Variants in TENT4B observed in about 807,000 individuals in gnomAD.
TENT4B encodes the protein PAP associated domain containing 5.
In TENT4B, 10 loss-of-function variants were observed where a neutral mutation model predicts 75.0. That is an observed-to-expected ratio of 0.13 (90% confidence interval 0.08 to 0.23). TENT4B has a LOEUF of 0.23. TENT4B is among the 10% of genes least tolerant of loss of function. The pLI is 1.00. For missense variants in TENT4B, 579 were observed against 893.8 expected, an observed-to-expected ratio of 0.65 and a Z score of 4.49; for synonymous variants, 350 against 357.7, an observed-to-expected ratio of 0.98 and a Z score of 0.24.
At position 50,153,901 on chromosome 16, in the gene TENT4B, C is replaced by T; in HGVS notation, c.280C>T (p.His94Tyr). Residue 94 changes from histidine to tyrosine, a missense_variant, in exon 1 of 12, where the codon CAC becomes TAC. By Grantham distance (83) the His-to-Tyr change is moderately conservative. Transcript: ENST00000561678. The stretch of plus-strand genomic sequence containing the variant: ...CTCCGGGGAGCGCCTGCTGGGCAGC[C>T]ACGCGCTGCCCGCGGAGCAGCGGGA... ...YRSGERLLGS[H>Y]ALPAEQRDFL... is the part of the protein sequence containing the mutation. 6.6e-7 allele frequency: 1 copy of T among 1,524,944 alleles called. No homozygotes were observed. The highest frequency in any genetic ancestry group is 8.7e-7 in the Non-Finnish European group (1 of 1,142,896). The allele number at this position is 1,524,944 out of a possible 1,614,324, so 94.5% of individuals were successfully genotyped here.
chr16:50,204,160 G>C (rs189044728), intron 1 of TENT4B, among the ~76,000 whole-genome samples: 9 of 152,330 alleles, frequency 5.9e-5, no homozygotes, highest in African/African-American at 2.2e-4. Flanking sequence ...GGGGACTTCA[G>C]TAATCATGCA....
chr16:50,227,895 T>G lies in TENT4B; in HGVS notation c.1857T>G (p.Thr619=). The change falls in exon 11 of 12, where the codon ACT becomes ACG. Residue 619 remains threonine, a synonymous_variant. Transcript: ENST00000561678. ...AACAGCTGCTTTGCCGTCCGTCCACTGGGAACCGAGTAGGGTCGCAAGATG... is the reference window on the plus strand; with the variant it reads ...AACAGCTGCTTTGCCGTCCGTCCACGGGGAACCGAGTAGGGTCGCAAGATG... The part of the protein sequence containing the change: ...TPKQLLCRPS[T]GNRVGSQDVS... 1 of 1,614,032 alleles carries G rather than the reference T, an allele frequency of 6.2e-7. No homozygotes were observed. The highest frequency in any genetic ancestry group is 8.5e-7 in the Non-Finnish European group (1 of 1,179,892).
intron 3 of TENT4B, 93 bp downstream of exon 3, chr16:50,214,360 A>G (rs1567508339): frequency 1.0e-6 from 1 of 976,314 alleles, no homozygotes; most frequent in Non-Finnish European, 1.5e-6. Context: ...AAACAAATTT[A>G]TAAAACAAAA....
In TENT4B at chr16:50,231,358, A is replaced by G. The variant is rs2032287655; in HGVS notation, c.*2030A>G. 1 of 980,084 alleles carries G rather than the reference A, an allele frequency of 1.0e-6. No individual in the cohort carries two copies. The highest frequency in any genetic ancestry group is 6.2e-5 in the Admixed American group (1 of 16,258). The allele number at this position is 980,084 out of a possible 1,614,324, so 60.7% of individuals were successfully genotyped here. On this transcript the variant is annotated 3_prime_UTR_variant, in exon 12 of 12. Transcript: ENST00000561678. Reference sequence around the variant, plus strand: ...GACTTATGTTTACTGCTAAGGGAACAATTATTTATAAAATAATATTAAATC... The same window carrying G: ...GACTTATGTTTACTGCTAAGGGAACGATTATTTATAAAATAATATTAAATC...
chr16:50,203,251 C>T (rs926666841), intron 1 of TENT4B, among the ~76,000 whole-genome samples: 1 of 152,020 alleles, frequency 6.6e-6, no homozygotes, highest in African/African-American at 2.4e-5. Flanking sequence ...TATTTTCTCT[C>T]TTGTTTTTTT....
chr16:50,218,778 A>G (rs2031691908), intron 5 of TENT4B, among the ~76,000 whole-genome samples: 1 of 152,118 alleles, frequency 6.6e-6, no homozygotes, highest in Admixed American at 6.5e-5. Context: ...AAATTATTTA[A>G]GTTTATTTCT....
In TENT4B at chr16:50,233,305, A is replaced by C; in HGVS notation, c.*3977A>C. On this transcript the variant is annotated 3_prime_UTR_variant, in exon 12 of 12. Transcript: ENST00000561678. ...ACCCTCAAGACTCTAGCTACCTGCCATCTTGTCAAAACATTTGTGGGTAGA... is the reference window on the plus strand; with the variant it reads ...ACCCTCAAGACTCTAGCTACCTGCCCTCTTGTCAAAACATTTGTGGGTAGA... 1.0e-6 allele frequency: 1 copy of C among 985,442 alleles called. No homozygotes were observed. Among genetic ancestry groups the C allele is most frequent in the South Asian group, 4.7e-5 (1 of 21,288 alleles). The allele number at this position is 985,442 out of a possible 1,614,324, so 61.0% of individuals were successfully genotyped here.
In TENT4B at chr16:50,230,284, C is replaced by G. The variant is rs565487120; in HGVS notation, c.*956C>G. On this transcript the variant is annotated 3_prime_UTR_variant, in exon 12 of 12. Transcript: ENST00000561678. Reference sequence around the variant, plus strand: ...CTTTGCAGTCTTTTTTTTTTCCCCCCATTTCTTCCTAATAGGAAAAAAAAA... The same window carrying G: ...CTTTGCAGTCTTTTTTTTTTCCCCCGATTTCTTCCTAATAGGAAAAAAAAA... 2.1e-4 allele frequency: 201 copies of G among 971,812 alleles called. No homozygotes were observed. The African/African-American group carries it at 3.4e-3, about 16-fold the overall frequency. The allele number at this position is 971,812 out of a possible 1,614,324, so 60.2% of individuals were successfully genotyped here. A position where few individuals can be genotyped will look rare whatever the true frequency, so the allele number is the denominator to read the frequency against.
chr16:50,158,370 A>G (rs1421209548), intron 1 of TENT4B, among the ~76,000 whole-genome samples: 1 of 151,970 alleles, frequency 6.6e-6, no homozygotes, highest in African/African-American at 2.4e-5. Context: ...TACAGGCATG[A>G]GCCACCATGC....
At chr16:50,202,125 C>T (rs2030692568) in intron 1 of TENT4B, among the ~76,000 whole-genome samples, 1 of 152,140 alleles carries the variant, frequency 6.6e-6, no homozygotes, top group African/African-American at 2.4e-5. Context: ...CGTGTGGGAG[C>T]TTGTCCTATT....
intron 1 of TENT4B, among the ~76,000 whole-genome samples, chr16:50,186,433 A>T (rs552540613): frequency 6.6e-6 from 1 of 152,136 alleles, no homozygotes; most frequent in South Asian, 2.1e-4. Flanking sequence ...GTTTTTAGAG[A>T]TAGTTAATAT....
At chr16:50,187,708 AT>A (rs2038559087) in intron 1 of TENT4B, among the ~76,000 whole-genome samples, 1 of 151,980 alleles carries the variant, frequency 6.6e-6, no homozygotes, top group Admixed American at 6.6e-5. Context: ...AGCTGAAGTT[AT>A]TTTTATTATT....
intron 10 of TENT4B, among the ~76,000 whole-genome samples, chr16:50,226,270 G>A (rs1031502966): frequency 4.6e-5 from 7 of 152,174 alleles, no homozygotes; most frequent in Non-Finnish European, 1.5e-5. Context: ...CAAAGTGCTG[G>A]GATTACAGGC....
intron 1 of TENT4B, among the ~76,000 whole-genome samples, chr16:50,180,458 A>G (rs1462988679): frequency 6.6e-6 from 1 of 152,146 alleles, no homozygotes; most frequent in African/African-American, 2.4e-5. Flanking sequence ...CTGTAATCTC[A>G]CACTTTGGGA....
chr16:50,173,268 T>A (rs891335582), intron 1 of TENT4B, among the ~76,000 whole-genome samples: 1 of 152,076 alleles, frequency 6.6e-6, no homozygotes, highest in Non-Finnish European at 1.5e-5. Context: ...TACTGCTGAA[T>A]AATACTCCAT....
At chr16:50,179,877 T>C (rs1013244762) in intron 1 of TENT4B, among the ~76,000 whole-genome samples, 7 of 152,164 alleles carry the variant, frequency 4.6e-5, no homozygotes, top group African/African-American at 1.7e-4. Flanking sequence ...AAACCAGGGC[T>C]TGGTGCTTCA....
chr16:50,203,905 A>T (rs1218760822), intron 1 of TENT4B, among the ~76,000 whole-genome samples: 2 of 152,212 alleles, frequency 1.3e-5, no homozygotes, highest in Non-Finnish European at 2.9e-5. Context: ...TGCCACGGGT[A>T]GGCCTGGTCT....
chr16:50,155,272 G>GTGTGTGTGTGT (rs2037871396), intron 1 of TENT4B, among the ~76,000 whole-genome samples: 59 of 135,482 alleles, frequency 4.4e-4, no homozygotes, highest in Non-Finnish European at 5.2e-4. Context: ...GGGTCTCGTG[G>GTGTGTGTGTGT]GTGTGTGTGT....
chr16:50,231,911 T>C lies in TENT4B; in HGVS notation c.*2583T>C. Reference sequence around the variant, plus strand: ...CTTTTTTGAGTTTTAATACTTCCTATATTTTGTGAATATATCAGAAATGTG... The same window carrying C: ...CTTTTTTGAGTTTTAATACTTCCTACATTTTGTGAATATATCAGAAATGTG... On this transcript the variant is annotated 3_prime_UTR_variant, in exon 12 of 12. Transcript: ENST00000561678. 9 of 977,406 alleles carry C rather than the reference T, an allele frequency of 9.2e-6. No individual in the cohort carries two copies. The highest frequency in any genetic ancestry group is 9.7e-6 in the Non-Finnish European group (8 of 822,586). The allele number at this position is 977,406 out of a possible 1,614,324, so 60.5% of individuals were successfully genotyped here.
Sources: gnomAD v4.1 joint callset for allele counts (sites outside exome capture counted in the v4.1 genomes callset) on GRCh38, gnomAD v4.1.1 for gene constraint, MANE v1.5 for transcripts, NCBI Gene and HGNC (gene_info 2026-07-23, HGNC 2026-07-21) for gene names.